Variants in TPRX1 observed in about 807,000 individuals in gnomAD.
TPRX1 encodes tetrapeptide repeat homeobox 1.
TPRX1 carries 2 observed loss-of-function variants against 8.1 expected under a neutral mutation model. That is an observed-to-expected ratio of 0.25 (90% CI 0.10 to 0.78). The LOEUF is 0.78. TPRX1 is among the 30% of genes least tolerant of loss of function. TPRX1 has a pLI of 0.70. For missense variants in TPRX1, 517 were observed against 586.9 expected (o/e 0.88, Z 1.23); for synonymous variants, 257 against 254.1 (o/e 1.01, Z -0.11).
At chr19:47,813,202 C>T (rs549901011) in intron 2 of TPRX1, among the ~76,000 whole-genome samples, 5 of 151,000 alleles carry the variant, frequency 3.3e-5, no homozygotes, top group African/African-American at 1.2e-4. Flanking sequence ...TGGCGTGCTC[C>T]TGTAGTCCCA....
rs180888879 is a variant in TPRX1, at chr19:47,817,818, C to T, written c.151+650G>A. Among the ~76,000 whole-genome samples, 33 of 152,356 alleles carry T rather than the reference C, an allele frequency of 2.2e-4. No homozygotes were observed. In the East Asian group the frequency reaches 3.9e-3, roughly 18 times the overall value. On this transcript the variant is annotated intron_variant, in intron 2 of 3. Transcript: ENST00000535759. Reference sequence around the variant, plus strand: ...AAACAACAGGATTTAAACCCAAACTCATGTGGCTCCATGCCAGCTCTTGGC... The same window carrying T: ...AAACAACAGGATTTAAACCCAAACTTATGTGGCTCCATGCCAGCTCTTGGC...
intron 2 of TPRX1, among the ~76,000 whole-genome samples, chr19:47,813,790 G>C (rs1967806596): frequency 6.6e-6 from 1 of 152,000 alleles, no homozygotes; most frequent in South Asian, 2.1e-4. Context: ...CTCTGCTGAG[G>C]CTGGCCTGGC....
chr19:47,806,495 G>A (rs1967736354), intron 2 of TPRX1, among the ~76,000 whole-genome samples: 1 of 152,094 alleles, frequency 6.6e-6, no homozygotes, highest in Non-Finnish European at 1.5e-5. Context: ...ACTCCAGCCT[G>A]GGTGACAGAG....
intron 2 of TPRX1, among the ~76,000 whole-genome samples, chr19:47,805,046 A>G (rs920998704): frequency 2.0e-5 from 3 of 152,122 alleles, no homozygotes; most frequent in Non-Finnish European, 4.4e-5. Context: ...CCTCTTTGGT[A>G]CCTCAAGGCC....
intron 2 of TPRX1, among the ~76,000 whole-genome samples, chr19:47,816,766 T>C (rs556008505): frequency 6.6e-6 from 1 of 151,286 alleles, no homozygotes; most frequent in Admixed American, 6.6e-5. Flanking sequence ...TCTCCTGACC[T>C]CGTGATCTGC....
intron 2 of TPRX1, among the ~76,000 whole-genome samples, chr19:47,812,311 A>C (rs1047560954): frequency 9.2e-5 from 14 of 152,104 alleles, no homozygotes; most frequent in Non-Finnish European, 1.6e-4. Flanking sequence ...AGAATCACAG[A>C]ATAGGCTGGG....
chr19:47,814,396 C>T (rs968579808), intron 2 of TPRX1, among the ~76,000 whole-genome samples: 11 of 152,080 alleles, frequency 7.2e-5, no homozygotes, highest in Non-Finnish European at 1.2e-4. Flanking sequence ...CTGTGGCTCA[C>T]GCCTGTAATC....
At chr19:47,806,745 G>T (rs1054725326) in intron 2 of TPRX1, among the ~76,000 whole-genome samples, 4 of 152,088 alleles carry the variant, frequency 2.6e-5, no homozygotes, top group African/African-American at 9.7e-5. Flanking sequence ...CAAATCCATA[G>T]AGACAGAAAG....
intron 3 of TPRX1, 107 bp downstream of exon 2, chr19:47,803,397 C>T (rs938507695): frequency 1.6e-6 from 1 of 636,676 alleles, no homozygotes; most frequent in East Asian, 3.0e-5. Flanking sequence ...GGACCCCTTG[C>T]GTGGCAGGGC....
At chr19:47,804,867 C>T (rs1967720829) in intron 2 of TPRX1, among the ~76,000 whole-genome samples, 1 of 152,170 alleles carries the variant, frequency 6.6e-6, no homozygotes, top group South Asian at 2.1e-4. Context: ...GGTTGGGGTC[C>T]CCATCTCAGG....
rs1354214641 is a variant in TPRX1 at position 47,804,396 on chromosome 19, G to A, written c.152-723C>T. ...CCCAGACACCACTAAGTTCTCCCCCGTCTGCAGGACAGGAAGCCGCCCGCA... is the reference window on the plus strand; with the variant it reads ...CCCAGACACCACTAAGTTCTCCCCCATCTGCAGGACAGGAAGCCGCCCGCA... On this transcript the variant is annotated intron_variant, in intron 2 of 3. Transcript: ENST00000535759. Among the ~76,000 whole-genome samples the A allele has an allele frequency of 4.6e-5, 7 of 152,046 alleles. No individual in the cohort carries two copies. The East Asian group carries it at 7.7e-4, about 17-fold the overall frequency.
At chr19:47,807,810 A>T (rs569934453) in intron 2 of TPRX1, among the ~76,000 whole-genome samples, 2 of 152,310 alleles carry the variant, frequency 1.3e-5, no homozygotes, top group South Asian at 4.1e-4. Context: ...GTAGACCCAG[A>T]GAATGTGGTT....
chr19:47,816,160 G>A (rs6509342), intron 2 of TPRX1, among the ~76,000 whole-genome samples: 8 of 151,122 alleles, frequency 5.3e-5, no homozygotes, highest in Admixed American at 2.6e-4. Context: ...CCTCCGCCTC[G>A]CGGGTTCAAG....
At chr19:47,814,210 T>TA (rs1216397449) in intron 2 of TPRX1, among the ~76,000 whole-genome samples, 2 of 151,972 alleles carry the variant, frequency 1.3e-5, no homozygotes, top group Admixed American at 1.3e-4. Flanking sequence ...CACCCACCAC[T>TA]ACGCAGAGCA....
At chr19:47,808,574 C>T (rs1967755572) in intron 2 of TPRX1, among the ~76,000 whole-genome samples, 1 of 147,670 alleles carries the variant, frequency 6.8e-6, no homozygotes, top group Non-Finnish European at 1.5e-5. Flanking sequence ...GCTGGGACTA[C>T]AGGCGCCTGC....
In TPRX1 at chr19:47,805,695, C is replaced by A. The variant is rs562022858; in HGVS notation, c.152-2022G>T. ...AGCATCCCCAGCAATGATTCCTCATCGCACACATTGTCCGGCTTCATCTAC... is the reference window on the plus strand; with the variant it reads ...AGCATCCCCAGCAATGATTCCTCATAGCACACATTGTCCGGCTTCATCTAC... On this transcript the variant is annotated intron_variant, in intron 2 of 3. Transcript: ENST00000535759. Among the ~76,000 whole-genome samples the A allele has an allele frequency of 5.6e-3, 855 of 152,282 alleles. 7 individuals are homozygous for A. The highest frequency in any genetic ancestry group is 0.019 in the African/African-American group (806 of 41,554).
chr19:47,812,163 G>A (rs944918970), intron 2 of TPRX1, among the ~76,000 whole-genome samples: 13 of 151,582 alleles, frequency 8.6e-5, no homozygotes, highest in East Asian at 2.0e-4. Flanking sequence ...ACCCGTGCCC[G>A]GCCTGAGAAC....
intron 2 of TPRX1, among the ~76,000 whole-genome samples, chr19:47,806,475 G>T (rs988893669): frequency 6.6e-6 from 1 of 152,002 alleles, no homozygotes; most frequent in Non-Finnish European, 1.5e-5. Context: ...AGCTGAGATG[G>T]TGCCACTGAA....
intron 3 of TPRX1, among the ~76,000 whole-genome samples, chr19:47,803,219 G>C (rs937916899): frequency 7.0e-6 from 1 of 143,050 alleles, no homozygotes; most frequent in African/African-American, 3.0e-5. Context: ...CCAGGTGCCC[G>C]GGGGGCCAGG....
Sources: allele counts gnomAD v4.1 joint callset (sites outside exome capture counted in the v4.1 genomes callset), GRCh38; gene constraint gnomAD v4.1.1; transcripts MANE v1.5; gene names NCBI Gene and HGNC (gene_info 2026-07-23, HGNC 2026-07-21).